KANSL1: variants seen among roughly 807,000 people sequenced by gnomAD.
The protein encoded by KANSL1 is MLL1/MLL complex subunit KANSL1.
KANSL1 carries 22 observed loss-of-function variants against 103.6 expected under a neutral mutation model. That is an observed-to-expected ratio of 0.21 (90% CI 0.15 to 0.30). The LOEUF is 0.30. Ranked by LOEUF, KANSL1 falls within the 10% of genes least tolerant of loss-of-function variation. KANSL1 has a pLI of 1.00. For synonymous variants in KANSL1, 600 were observed against 527.6 expected (o/e 1.14, Z -1.88); for missense variants, 1,337 against 1,399.8 (o/e 0.96, Z 0.72).
intron 2 of KANSL1, among the ~76,000 whole-genome samples, chr17:46,109,023 A>C (rs1296180978): frequency 6.6e-6 from 1 of 152,220 alleles, no homozygotes; most frequent in African/African-American, 2.4e-5. Flanking sequence ...ATCATAGCTC[A>C]CTATAGCCTC....
At chr17:46,163,839 T>C (rs2045868665) in intron 2 of KANSL1, among the ~76,000 whole-genome samples, 1 of 152,258 alleles carries the variant, frequency 6.6e-6, no homozygotes, top group Non-Finnish European at 1.5e-5. Flanking sequence ...TATAATACTA[T>C]GTCTTCAACA....
intron 1 of KANSL1, among the ~76,000 whole-genome samples, chr17:46,212,218 T>C (rs1314720971): frequency 6.6e-6 from 1 of 151,930 alleles, no homozygotes. Context: ...TCCTAAGACA[T>C]TAAAAATTCT....
intron 2 of KANSL1, among the ~76,000 whole-genome samples, chr17:46,151,232 C>T (rs1265747011): frequency 6.6e-6 from 1 of 152,242 alleles, no homozygotes; most frequent in East Asian, 1.9e-4. Context: ...CCTTCTACCA[C>T]TCATTCTATA....
intron 2 of KANSL1, among the ~76,000 whole-genome samples, chr17:46,159,935 G>C (rs1248639387): frequency 6.6e-6 from 1 of 152,234 alleles, no homozygotes; most frequent in Non-Finnish European, 1.5e-5. Flanking sequence ...TGTGTGGTCA[G>C]AGAGCTGTCT....
chr17:46,047,578 G>C (rs1011269500), intron 7 of KANSL1, among the ~76,000 whole-genome samples: 18 of 152,130 alleles, frequency 1.2e-4, no homozygotes, highest in Admixed American at 3.9e-4. Flanking sequence ...CTTGAGCTCA[G>C]TTCAAAACCA....
intron 7 of KANSL1, chr17:46,041,957 G>A (rs1264179511): frequency 6.6e-6 from 1 of 150,872 alleles, no homozygotes; most frequent in Non-Finnish European, 1.5e-5. Flanking sequence ...GCCCAGGCTG[G>A]AGTGCAGTGG....
intron 6 of KANSL1, among the ~76,000 whole-genome samples, chr17:46,065,462 C>A (rs2078343985): frequency 6.6e-6 from 1 of 152,132 alleles, no homozygotes; most frequent in Non-Finnish European, 1.5e-5. Context: ...TGAACAACAA[C>A]AAAAGTGGTA....
chr17:46,125,858 T>C (rs551543732), intron 2 of KANSL1, among the ~76,000 whole-genome samples: 2 of 152,354 alleles, frequency 1.3e-5, no homozygotes, highest in South Asian at 2.1e-4. Flanking sequence ...TACAGGCTAG[T>C]ATTAGTAATA....
At chr17:46,211,818 A>G (rs887895463) in intron 1 of KANSL1, among the ~76,000 whole-genome samples, 1 of 152,264 alleles carries the variant, frequency 6.6e-6, no homozygotes, top group Non-Finnish European at 1.5e-5. Context: ...GGATTGTGTT[A>G]CCACAATCTA....
intron 3 of KANSL1, among the ~76,000 whole-genome samples, chr17:46,085,345 C>T (rs12449423): frequency 0.055 from 8,425 of 152,216 alleles, 692 homozygotes; most frequent in African/African-American, 0.18. Context: ...AGAAAATGTC[C>T]CGGGTTAATG....
At chr17:46,194,504 T>C (rs1275445323), upstream of KANSL1, among the ~76,000 whole-genome samples, 9 of 152,220 alleles carry the variant, frequency 5.9e-5, no homozygotes, top group Non-Finnish European at 1.2e-4. Flanking sequence ...TTTCCTAGAC[T>C]TAAAGAATTC....
At position 46,171,880 on chromosome 17, in the gene KANSL1, T is replaced by G; in HGVS notation, c.264A>C (p.Thr88=). ...TCAAAGACTCCTTTGAGGGAACAGA[T>G]GTTACATCAGAGCAGAGATAAGATG... ...LVASYLCSDV[T]SVPSKESLKL... Residue 88 remains threonine, a synonymous_variant, in exon 2 of 15, where the codon ACA becomes ACC. Coordinates refer to ENST00000432791, the MANE Select transcript of KANSL1 (RefSeq NM_015443.4). 1 of 1,614,242 alleles carries G rather than the reference T, an allele frequency of 6.2e-7. No homozygotes were observed. The highest frequency in any genetic ancestry group is 8.5e-7 in the Non-Finnish European group (1 of 1,180,048).
At chr17:46,165,564 G>A (rs1400374346) in intron 2 of KANSL1, among the ~76,000 whole-genome samples, 2 of 150,110 alleles carry the variant, frequency 1.3e-5, no homozygotes, top group Non-Finnish European at 2.9e-5. Context: ...AGGATGGAGT[G>A]CAGAGCTGAG....
At chr17:46,112,530 CA>C (rs2042863956) in intron 2 of KANSL1, among the ~76,000 whole-genome samples, 1 of 150,552 alleles carries the variant, frequency 6.6e-6, no homozygotes, top group African/African-American at 2.4e-5. Context: ...ACTAAAAATA[CA>C]AAAATTAGCC....
intron 1 of KANSL1, among the ~76,000 whole-genome samples, chr17:46,209,303 GATATT>G (rs2048083732): frequency 6.6e-6 from 1 of 152,198 alleles, no homozygotes; most frequent in Non-Finnish European, 1.5e-5. Flanking sequence ...CAAGACAGCT[GATATT>G]ATATAATTCT....
At chr17:46,180,266 C>T (rs1396330654) in intron 1 of KANSL1, among the ~76,000 whole-genome samples, 3 of 151,960 alleles carry the variant, frequency 2.0e-5, no homozygotes, top group Admixed American at 6.6e-5. Flanking sequence ...GAGGCTGAGG[C>T]GGGTGGATCA....
intron 1 of KANSL1, among the ~76,000 whole-genome samples, chr17:46,181,805 G>C (rs557224705): frequency 6.6e-6 from 1 of 152,044 alleles, no homozygotes; most frequent in Non-Finnish European, 1.5e-5. Flanking sequence ...CAATTGATAC[G>C]GACCCAGAAC....
At chr17:46,125,574 G>T (rs1329666356) in intron 2 of KANSL1, among the ~76,000 whole-genome samples, 1 of 152,138 alleles carries the variant, frequency 6.6e-6, no homozygotes, top group Non-Finnish European at 1.5e-5. Context: ...AAGACCAAAG[G>T]GGTGTATGGC....
At chr17:46,127,613 A>G (rs1025076521) in intron 2 of KANSL1, among the ~76,000 whole-genome samples, 11 of 152,110 alleles carry the variant, frequency 7.2e-5, no homozygotes, top group South Asian at 2.1e-4. Context: ...GCCTCTATAA[A>G]AAAATACCAA....
Sources: gnomAD v4.1 joint callset for allele counts (sites outside exome capture counted in the v4.1 genomes callset) on GRCh38, gnomAD v4.1.1 for gene constraint, MANE v1.5 for transcripts, NCBI Gene and HGNC (gene_info 2026-07-23, HGNC 2026-07-21) for gene names.